The following SLC27A2 variants were observed in gnomAD, a reference collection of about 807,000 sequenced individuals.
SLC27A2 encodes the protein solute carrier family 27 member 2.
In SLC27A2, 54 loss-of-function variants were observed where a neutral mutation model predicts 60.0. That is an observed-to-expected ratio of 0.90 (90% CI 0.72 to 1.13). The LOEUF is 1.13. SLC27A2 is among the 50% of genes most tolerant of loss of function. The pLI is 0.00. For synonymous variants in SLC27A2, 297 were observed against 297.6 expected, an observed-to-expected ratio of 1.00 and a Z score of 0.02; for missense variants, 739 against 777.6, an observed-to-expected ratio of 0.95 and a Z score of 0.59.
intron 1 of SLC27A2, among the ~76,000 whole-genome samples, chr15:50,188,657 G>T (rs1419284565): frequency 6.6e-6 from 1 of 152,134 alleles, no homozygotes; most frequent in Admixed American, 6.5e-5. Context: ...TAGTAGGCAG[G>T]CAGTCAATAA....
intron 1 of SLC27A2, among the ~76,000 whole-genome samples, chr15:50,196,848 A>G (rs2045027628): frequency 6.6e-6 from 1 of 152,176 alleles, no homozygotes; most frequent in South Asian, 2.1e-4. Flanking sequence ...TTACTGATGC[A>G]TAAGAAAAAA....
rs766787257 is a variant in SLC27A2, at chr15:50,197,548, A to G, written c.527A>G (p.Asp176Gly). 1 of 1,614,062 alleles carries G rather than the reference A, an allele frequency of 6.2e-7. No homozygotes were observed. Among genetic ancestry groups the G allele is most frequent in the South Asian group, 1.1e-5 (1 of 91,078 alleles). Residue 176 changes from aspartate (D) to glycine (G), a missense_variant, in exon 2 of 10, where the codon GAT (aspartate) becomes GGT (glycine). By Grantham distance (94) the Asp-to-Gly change is moderately conservative. Coordinates refer to ENST00000267842, the MANE Select transcript of SLC27A2 (RefSeq NM_003645.4). ...EEILPSLKKD[D>G]VSIYYVSRTS... Reference sequence around the variant, plus strand: ...ATACTGCCAAGCCTTAAAAAAGATGATGTGTCCATCTATTATGTGAGCAGA... The same window carrying G: ...ATACTGCCAAGCCTTAAAAAAGATGGTGTGTCCATCTATTATGTGAGCAGA...
intron 4 of SLC27A2, among the ~76,000 whole-genome samples, chr15:50,209,887 G>A (rs72737059): frequency 0.093 from 14,216 of 152,156 alleles, 833 homozygotes; most frequent in Middle Eastern, 0.16. Context: ...CATCATCTCA[G>A]AAACTAAGAG....
At chr15:50,185,621 CTTTTTTTT>C (rs531026687) in intron 1 of SLC27A2, among the ~76,000 whole-genome samples, 5 of 95,768 alleles carry the variant, frequency 5.2e-5, no homozygotes, top group African/African-American at 1.9e-4. Flanking sequence ...AGGAAGCTTA[CTTTTTTTT>C]TTTTTTTTTT....
At position 50,182,822 on chromosome 15, in the gene SLC27A2, C is replaced by A. The variant is rs2140890689; in HGVS notation, c.395C>A (p.Ala132Glu). 1 of 1,613,446 alleles carries A rather than the reference C, an allele frequency of 6.2e-7. No homozygotes were observed. ...LGLVKLGCAMACLNYNIRAKS... is the reference protein window; with the variant it reads ...LGLVKLGCAMECLNYNIRAKS... ...CTGGTGAAGCTGGGCTGTGCCATGG[C>A]GTGCCTCAATTACAACATCCGCGCG... Residue 132 changes from alanine to glutamate, a missense_variant, in exon 1 of 10, where the codon GCG becomes GAG. Physicochemically the swap from Ala to Glu is moderately radical, Grantham distance 107. Coordinates refer to ENST00000267842, the MANE Select transcript of SLC27A2 (RefSeq NM_003645.4).
chr15:50,200,418 A>AAAT (rs35855605), intron 2 of SLC27A2, among the ~76,000 whole-genome samples: 3 of 150,058 alleles, frequency 2.0e-5, no homozygotes, highest in African/African-American at 4.9e-5. Context: ...CCTATCTCAA[A>AAAT]AATAATAATA....
intron 4 of SLC27A2, among the ~76,000 whole-genome samples, chr15:50,208,291 T>G (rs1038931828): frequency 1.3e-5 from 2 of 152,226 alleles, no homozygotes; most frequent in African/African-American, 4.8e-5. Context: ...GGAGAATGCT[T>G]CCAGCCCTGC....
intron 8 of SLC27A2, 124 bp downstream of exon 8, chr15:50,229,166 G>A: frequency 4.7e-6 from 3 of 638,634 alleles, no homozygotes; most frequent in Non-Finnish European, 8.4e-6. Context: ...CAGCTGCCAG[G>A]GAGTAAGGAG....
At chr15:50,189,499 T>C (rs1015953698) in intron 1 of SLC27A2, among the ~76,000 whole-genome samples, 5 of 152,206 alleles carry the variant, frequency 3.3e-5, no homozygotes, top group African/African-American at 1.2e-4. Flanking sequence ...GAAAGATAGC[T>C]TAAAGATATT....
At chr15:50,197,067 T>C (rs1473973887) in intron 1 of SLC27A2, among the ~76,000 whole-genome samples, 2 of 152,258 alleles carry the variant, frequency 1.3e-5, no homozygotes, top group East Asian at 1.9e-4. Context: ...ATATGTCTAT[T>C]GGTTTGCACT....
At chr15:50,183,028 AG>A (rs1003086861) in intron 1 of SLC27A2, 123 bp downstream of exon 1, 24 of 1,002,240 alleles carry the variant, frequency 2.4e-5, no homozygotes, top group Non-Finnish European at 3.2e-5. Context: ...GTATAGAAAA[AG>A]GTTGGCAGTG....
At chr15:50,213,718 C>G (rs1272180849) in intron 4 of SLC27A2, among the ~76,000 whole-genome samples, 1 of 151,986 alleles carries the variant, frequency 6.6e-6, no homozygotes, top group Non-Finnish European at 1.5e-5. Context: ...AGCATTGGGT[C>G]AAAAACAAAA....
chr15:50,216,566 A>G (rs1269145360), intron 4 of SLC27A2, among the ~76,000 whole-genome samples: 1 of 145,468 alleles, frequency 6.9e-6, no homozygotes, highest in Non-Finnish European at 1.5e-5. Flanking sequence ...CCAAATGCCC[A>G]TCAATCAACA....
At chr15:50,216,917 T>TA (rs2045202264) in intron 4 of SLC27A2, among the ~76,000 whole-genome samples, 1 of 144,356 alleles carries the variant, frequency 6.9e-6, no homozygotes, top group South Asian at 2.2e-4. Flanking sequence ...ATATATTCCA[T>TA]AAAAAGGAAT....
intron 2 of SLC27A2, among the ~76,000 whole-genome samples, chr15:50,199,422 G>A (rs1192932895): frequency 1.3e-5 from 2 of 148,968 alleles, no homozygotes; most frequent in Non-Finnish European, 3.0e-5. Context: ...AGCTTGCAGT[G>A]AGCCGAGATT....
chr15:50,204,045 C>T (rs12438280), intron 3 of SLC27A2, among the ~76,000 whole-genome samples: 46,297 of 152,020 alleles, frequency 0.3, 8,327 homozygotes, highest in Middle Eastern at 0.43. Flanking sequence ...ACACACAATC[C>T]AAAAATTTGA....
chr15:50,201,659 C>A (rs1029489665), intron 2 of SLC27A2, among the ~76,000 whole-genome samples: 1 of 151,850 alleles, frequency 6.6e-6, no homozygotes, highest in African/African-American at 2.4e-5. Context: ...AGGTTCATGC[C>A]ATTCTCCTAC....
intron 4 of SLC27A2, among the ~76,000 whole-genome samples, chr15:50,221,666 A>G (rs567721443): frequency 5.9e-5 from 9 of 152,294 alleles, no homozygotes; most frequent in South Asian, 4.1e-4. Context: ...GCTCTAACCA[A>G]TTGCTGTTTT....
rs1052013744 is a variant in SLC27A2, at chr15:50,227,048, G to C, written c.1327G>C (p.Ala443Pro). The C allele has an allele frequency of 4.3e-6, 7 of 1,614,050 alleles. No individual in the cohort carries two copies. The Admixed American group carries it at 6.7e-5, about 15-fold the overall frequency. Residue 443 changes from alanine to proline, a missense_variant, in exon 7 of 10, where the codon GCT (alanine) becomes CCT (proline). Ala to Pro is a conservative substitution (Grantham distance 27). Transcript: ENST00000267842. ...ATTTAATGGCTATGCTGGAGCAAAGGCTCAGACAGAGAAGAAAAAACTGAG... is the reference window on the plus strand; with the variant it reads ...ATTTAATGGCTATGCTGGAGCAAAGCCTCAGACAGAGAAGAAAAAACTGAG... The part of the protein sequence containing the change: ...TPFNGYAGAK[A>P]QTEKKKLRDV...
Sources: allele counts gnomAD v4.1 joint callset (sites outside exome capture counted in the v4.1 genomes callset), GRCh38; gene constraint gnomAD v4.1.1; transcripts MANE v1.5; gene names NCBI Gene and HGNC (gene_info 2026-07-23, HGNC 2026-07-21).